Variants in DCC observed in about 807,000 individuals in gnomAD.
DCC encodes DCC netrin 1 receptor.
Under a neutral mutation model 172.5 loss-of-function variants are expected in DCC, and 58 were observed. That is an observed-to-expected ratio of 0.34 (90% CI 0.27 to 0.42). The LOEUF (loss-of-function observed/expected upper bound fraction) is 0.42. Among genes scored for constraint, DCC ranks in the 10% least tolerant of loss-of-function variants. The pLI is 1.00. For synonymous variants in DCC, 709 were observed against 644.5 expected, an observed-to-expected ratio of 1.10 and a Z score of -1.52; for missense variants, 1,740 against 1,791.0, an observed-to-expected ratio of 0.97 and a Z score of 0.51.
At chr18:52,666,129 G>GA (rs948340458) in intron 1 of DCC, among the ~76,000 whole-genome samples, 1 of 151,750 alleles carries the variant, frequency 6.6e-6, no homozygotes, top group Admixed American at 6.6e-5. Flanking sequence ...TCTAATAAAA[G>GA]AAAAAAATAC....
At chr18:53,179,420 T>A (rs1413516099) in intron 9 of DCC, among the ~76,000 whole-genome samples, 1 of 152,118 alleles carries the variant, frequency 6.6e-6, no homozygotes, top group Non-Finnish European at 1.5e-5. Flanking sequence ...ATCCTCATCA[T>A]TGAGTTTCAG....
At chr18:52,716,696 A>T (rs1395783080) in intron 1 of DCC, among the ~76,000 whole-genome samples, 1 of 152,214 alleles carries the variant, frequency 6.6e-6, no homozygotes, top group Non-Finnish European at 1.5e-5. Context: ...GTGGAAAAAT[A>T]TCAGCATCTT....
intron 1 of DCC, among the ~76,000 whole-genome samples, chr18:52,603,694 G>T (rs1241624931): frequency 6.7e-6 from 1 of 148,954 alleles, no homozygotes; most frequent in Non-Finnish European, 1.5e-5. Flanking sequence ...GTTAAATAAA[G>T]AAAAAAGGAA....
At chr18:52,928,369 C>T (rs112933629) in intron 5 of DCC, among the ~76,000 whole-genome samples, 1,725 of 152,194 alleles carry the variant, frequency 0.011, 23 homozygotes, top group African/African-American at 0.037. Context: ...ATAATCTGTA[C>T]ACCAAGCCCC....
rs1461706402 is a variant in DCC, at chr18:52,340,749, C to G, written c.-39C>G. On this transcript the variant is annotated 5_prime_UTR_variant, in exon 1 of 29. Transcript: ENST00000442544. Reference sequence around the variant, plus strand: ...GAGTGCATGTGTGTGAGTGCTGCCGCTGCCCGCGACCCCTGGCCCCGAAGG... The same window carrying G: ...GAGTGCATGTGTGTGAGTGCTGCCGGTGCCCGCGACCCCTGGCCCCGAAGG... 2.0e-6 allele frequency: 3 copies of G among 1,512,612 alleles called. No homozygotes were observed. The highest frequency in any genetic ancestry group is 1.1e-5 in the South Asian group (1 of 88,932). 93.7% of individuals were successfully genotyped at this position (1,512,612 alleles called of 1,614,324 possible).
intron 7 of DCC, among the ~76,000 whole-genome samples, chr18:53,114,353 A>C (rs2043379765): frequency 6.6e-6 from 1 of 151,606 alleles, no homozygotes; most frequent in Non-Finnish European, 1.5e-5. Context: ...TTTGAAAAGA[A>C]AAGTGACAGC....
At chr18:52,552,962 C>A (rs1346441236) in intron 1 of DCC, among the ~76,000 whole-genome samples, 1 of 152,034 alleles carries the variant, frequency 6.6e-6, no homozygotes, top group Admixed American at 6.6e-5. Context: ...GGAGGAAAAT[C>A]ATATGCAGTT....
intron 7 of DCC, among the ~76,000 whole-genome samples, chr18:53,091,668 A>G (rs2043011107): frequency 1.3e-5 from 2 of 151,694 alleles, no homozygotes; most frequent in South Asian, 4.1e-4. Flanking sequence ...CACAAATTCT[A>G]TTTATAAGGG....
chr18:52,966,007 G>A (rs2040923782), intron 5 of DCC, among the ~76,000 whole-genome samples: 2 of 152,086 alleles, frequency 1.3e-5, no homozygotes, highest in South Asian at 2.1e-4. Flanking sequence ...GACCCATAAA[G>A]GAATATCATG....
In DCC at chr18:52,604,618, C is replaced by T. The variant is rs139214100; in HGVS notation, c.92-147436C>T. On this transcript the variant is annotated intron_variant, in intron 1 of 28. Coordinates refer to ENST00000442544, the MANE Select transcript of DCC (RefSeq NM_005215.4). ...AAGTCTTTACCAGAAGTCCCCTCCC[C>T]AGATTTCCACTGACATCTCAGAGGC... Among the ~76,000 whole-genome samples, 356 of 152,258 alleles carry T rather than the reference C, an allele frequency of 2.3e-3. 3 individuals carry two copies. The highest frequency in any genetic ancestry group is 8.1e-3 in the African/African-American group (338 of 41,550).
chr18:53,144,398 C>T (rs2043874745), intron 7 of DCC, among the ~76,000 whole-genome samples: 1 of 152,156 alleles, frequency 6.6e-6, no homozygotes, highest in Non-Finnish European at 1.5e-5. Context: ...AATTGACTCA[C>T]AGTTCCACCT....
At chr18:53,509,070 G>GTGAT (rs898189904) in intron 27 of DCC, among the ~76,000 whole-genome samples, 14 of 152,172 alleles carry the variant, frequency 9.2e-5, no homozygotes, top group East Asian at 3.9e-4. Context: ...CCAATTTAAT[G>GTGAT]TGATTAAAGC....
At chr18:53,239,793 T>C (rs187686329) in intron 12 of DCC, among the ~76,000 whole-genome samples, 80 of 152,242 alleles carry the variant, frequency 5.3e-4, no homozygotes, top group African/African-American at 1.7e-3. Flanking sequence ...TACAGTATTT[T>C]ACATGGCCTA....
intron 2 of DCC, among the ~76,000 whole-genome samples, chr18:52,812,734 G>A (rs967104825): frequency 6.6e-6 from 1 of 152,198 alleles, no homozygotes; most frequent in African/African-American, 2.4e-5. Context: ...GGTAATGGGG[G>A]TCTGGGTTTC....
chr18:53,490,620 G>A (rs1038546718), intron 26 of DCC, among the ~76,000 whole-genome samples: 1 of 152,162 alleles, frequency 6.6e-6, no homozygotes, highest in Non-Finnish European at 1.5e-5. Flanking sequence ...GCAGGGGCAC[G>A]TCATGGACAA....
chr18:53,517,819 A>G (rs1267388613), intron 27 of DCC, among the ~76,000 whole-genome samples: 1 of 152,188 alleles, frequency 6.6e-6, no homozygotes, highest in Non-Finnish European at 1.5e-5. Context: ...AGTACAATTC[A>G]CATGGTAGAC....
At chr18:52,526,950 T>C (rs2032001525) in intron 1 of DCC, among the ~76,000 whole-genome samples, 1 of 152,174 alleles carries the variant, frequency 6.6e-6, no homozygotes, top group African/African-American at 2.4e-5. Flanking sequence ...CAGAATACAA[T>C]CTACAGGTGG....
intron 1 of DCC, among the ~76,000 whole-genome samples, chr18:52,414,653 A>G (rs1470782902): frequency 1.3e-5 from 2 of 152,298 alleles, no homozygotes; most frequent in African/African-American, 2.4e-5. Flanking sequence ...GACATCTCCA[A>G]TAAAGCCATG....
At position 53,005,192 on chromosome 18, in the gene DCC, T is replaced by G. The variant is rs1307928064; in HGVS notation, c.986-58113T>G. On this transcript the variant is annotated intron_variant, in intron 5 of 28. Transcript: ENST00000442544. ...TGCATAACTTACCCAGTCTCAGGTA[T>G]TCTGTTATAGTAACACGAAACAAAC... 2.0e-5 allele frequency among the ~76,000 whole-genome samples: 3 copies of G among 152,200 alleles called. No individual in the cohort carries two copies. The East Asian group carries it at 5.8e-4, about 29-fold the overall frequency.
Sources: gnomAD v4.1 joint callset for allele counts (sites outside exome capture counted in the v4.1 genomes callset) on GRCh38, gnomAD v4.1.1 for gene constraint, MANE v1.5 for transcripts, NCBI Gene and HGNC (gene_info 2026-07-23, HGNC 2026-07-21) for gene names.